CASK: variants seen among roughly 807,000 people sequenced by gnomAD.
CASK encodes the protein peripheral plasma membrane protein CASK.
CASK carries 4 observed loss-of-function variants against 82.9 expected under a neutral mutation model. That is an observed-to-expected ratio of 0.05 (90% CI 0.02 to 0.11). The LOEUF (loss-of-function observed/expected upper bound fraction) is 0.11. Among genes scored for constraint, CASK ranks in the 10% least tolerant of loss-of-function variants. The pLI, the probability that CASK is intolerant of heterozygous loss-of-function variation, is 1.00. For missense variants in CASK, 358 were observed against 720.9 expected (o/e 0.50, Z 5.76); for synonymous variants, 259 against 253.5 (o/e 1.02, Z -0.20).
intron 1 of CASK, among the ~76,000 whole-genome samples, chrX:41,873,033 T>C (rs1168136959): frequency 9.0e-6 from 1 of 111,356 alleles, no homozygotes. Flanking sequence ...GAAAAGTGCT[T>C]TTGTCAGAAG....
chrX:41,916,950 T>A (rs2072703024), intron 1 of CASK, among the ~76,000 whole-genome samples: 1 of 112,071 alleles, frequency 8.9e-6, no homozygotes, highest in Admixed American at 9.4e-5. Flanking sequence ...ATTTACCAGT[T>A]AGTTTGGTAA....
At chrX:41,746,892 G>A (rs758960225) in intron 3 of CASK, among the ~76,000 whole-genome samples, 5 of 111,694 alleles carry the variant, frequency 4.5e-5, no homozygotes, top group African/African-American at 1.6e-4. Flanking sequence ...GGACAAGATC[G>A]AAATCTCTGT....
chrX:41,609,501 T>C (rs1316347457), intron 12 of CASK, among the ~76,000 whole-genome samples: 1 of 111,773 alleles, frequency 8.9e-6, no homozygotes, highest in Non-Finnish European at 1.9e-5. Context: ...ATTGTTATGA[T>C]AGACATCTGA....
At chrX:41,833,977 C>G (rs1335169910) in intron 2 of CASK, among the ~76,000 whole-genome samples, 1 of 111,445 alleles carries the variant, frequency 9.0e-6, no homozygotes, top group African/African-American at 3.3e-5. Flanking sequence ...GTCTTGAACT[C>G]TTAGGCTCAG....
chrX:41,861,371 T>C lies in CASK; in HGVS notation c.60-8144A>G, dbSNP rs1299506738. Among the ~76,000 whole-genome samples the C allele has an allele frequency of 4.5e-5, 5 of 110,297 alleles. No homozygotes were observed. The East Asian group carries it at 1.1e-3, about 25-fold the overall frequency. ...TGGAGGATATATCAAGAACTATTAA[T>C]AGAGAAGAAAAAAGATTTTTATAAC... is the stretch of plus-strand genomic sequence containing the variant. On this transcript the variant is annotated intron_variant, in intron 1 of 26. Coordinates refer to ENST00000378163, the MANE Select transcript of CASK (RefSeq NM_001367721.1).
chrX:41,554,492 TTTTTC>T (rs1175064156), intron 20 of CASK, among the ~76,000 whole-genome samples: 1 of 112,047 alleles, frequency 8.9e-6, no homozygotes, highest in African/African-American at 3.2e-5. Context: ...AAGCTTCATT[TTTTTC>T]TAATTTAGGT....
chrX:41,606,992 C>T (rs1278870222), intron 12 of CASK, among the ~76,000 whole-genome samples: 1 of 112,284 alleles, frequency 8.9e-6, no homozygotes, highest in East Asian at 2.8e-4. Context: ...TACTCCTGGT[C>T]TTATACTGCA....
intron 2 of CASK, among the ~76,000 whole-genome samples, chrX:41,820,491 A>G (rs1050450397): frequency 3.6e-5 from 4 of 111,326 alleles, no homozygotes; most frequent in African/African-American, 1.3e-4. Context: ...AACTACAAAG[A>G]TATTTTCTGG....
chrX:41,681,249 TTTA>T (rs1419048574), intron 5 of CASK, among the ~76,000 whole-genome samples: 3 of 112,367 alleles, frequency 2.7e-5, no homozygotes, highest in Non-Finnish European at 5.6e-5. Flanking sequence ...TAGATACTAT[TTTA>T]TTATTTAGTA....
chrX:41,917,100 C>A (rs1297533740), intron 1 of CASK, among the ~76,000 whole-genome samples: 4 of 112,352 alleles, frequency 3.6e-5, no homozygotes, highest in African/African-American at 1.3e-4. Context: ...AGTATAGAAA[C>A]TCTGAAAATG....
At chrX:41,549,633 A>G (rs1192995419) in intron 21 of CASK, among the ~76,000 whole-genome samples, 1 of 111,297 alleles carries the variant, frequency 9.0e-6, no homozygotes, top group East Asian at 2.8e-4. Flanking sequence ...TGAGGTCAGG[A>G]GTTCGAGACC....
chrX:41,558,777 T>C (rs769657925), intron 18 of CASK: 6 of 111,831 alleles, frequency 5.4e-5, no homozygotes, highest in African/African-American at 1.9e-4. Flanking sequence ...AAACTATACA[T>C]TTTAATATGT....
intron 18 of CASK, chrX:41,559,575 A>G (rs2065199263): frequency 2.3e-6 from 1 of 434,979 alleles, no homozygotes; most frequent in African/African-American, 2.4e-5. Flanking sequence ...AAAAAGTTCA[A>G]AGTGCTGAGG....
At chrX:41,850,442 G>A (rs2071241135) in intron 2 of CASK, among the ~76,000 whole-genome samples, 1 of 108,248 alleles carries the variant, frequency 9.2e-6, no homozygotes, top group South Asian at 4.1e-4. Context: ...AAAATATTGA[G>A]GTAATTAACA....
chrX:41,888,655 A>G (rs1385823844), intron 1 of CASK, among the ~76,000 whole-genome samples: 1 of 103,494 alleles, frequency 9.7e-6, no homozygotes, highest in Non-Finnish European at 2.0e-5. Flanking sequence ...ATGTGTATAT[A>G]TGTGTGTGTA....
At chrX:41,905,532 G>A (rs1041307653) in intron 1 of CASK, among the ~76,000 whole-genome samples, 2 of 112,582 alleles carry the variant, frequency 1.8e-5, no homozygotes, top group African/African-American at 3.2e-5. Flanking sequence ...ATCTTTTTTG[G>A]AGAAATGTCT....
chrX:41,547,458 G>A (rs2065039157), intron 21 of CASK, among the ~76,000 whole-genome samples: 1 of 110,709 alleles, frequency 9.0e-6, no homozygotes. Flanking sequence ...TGTATTTCCT[G>A]CAAATAGGTA....
intron 1 of CASK, among the ~76,000 whole-genome samples, chrX:41,874,176 A>AT (rs74737351): frequency 9.1e-6 from 1 of 110,311 alleles, no homozygotes; most frequent in African/African-American, 3.3e-5. Context: ...AACAGACTAG[A>AT]TTTTTTTTTA....
chrX:41,601,486 C>T (rs996773381), intron 12 of CASK, among the ~76,000 whole-genome samples: 69 of 112,008 alleles, frequency 6.2e-4, no homozygotes, highest in African/African-American at 2.1e-3. Flanking sequence ...GGCACAACTA[C>T]ACGCTGGTTA....
Sources: allele counts gnomAD v4.1 joint callset (sites outside exome capture counted in the v4.1 genomes callset), GRCh38; gene constraint gnomAD v4.1.1; transcripts MANE v1.5; gene names NCBI Gene and HGNC (gene_info 2026-07-23, HGNC 2026-07-21).